Variants in VPS13B observed in about 807,000 individuals in gnomAD.
The protein encoded by VPS13B is intermembrane lipid transfer protein VPS13B.
Under a neutral mutation model 426.4 loss-of-function variants are expected in VPS13B, and 285 were observed. The ratio of observed to expected loss-of-function variants is 0.67; its 90% CI spans 0.61 to 0.74. The LOEUF is 0.74. Among genes scored for constraint, VPS13B ranks in the 30% least tolerant of loss-of-function variants. The pLI is 0.00. For missense variants in VPS13B, 4,537 were observed against 4,782.6 expected, an observed-to-expected ratio of 0.95 and a Z score of 1.51; for synonymous variants, 1,676 against 1,676.4, an observed-to-expected ratio of 1.00 and a Z score of 0.01.
chr8:99,044,080 C>CTTTTT (rs1334044601), intron 3 of VPS13B, among the ~76,000 whole-genome samples: 1 of 85,396 alleles, frequency 1.2e-5, no homozygotes, highest in Non-Finnish European at 2.5e-5. Flanking sequence ...TTTTTTCTTT[C>CTTTTT]TTTCTTTTTT....
In VPS13B at chr8:99,548,051, C is replaced by T. The variant is rs190785994; in HGVS notation, c.4746-8399C>T. Among the ~76,000 whole-genome samples, 609 of 152,134 alleles carry T rather than the reference C, an allele frequency of 4.0e-3. 5 individuals are homozygous for T. The highest frequency in any genetic ancestry group is 8.1e-3 in the South Asian group (39 of 4,826). ...ACGCTTTTTTATTATAAGATGTTTA[C>T]ATTGTATTTTTTAAGGCAGACGTTA... On this transcript the variant is annotated intron_variant, in intron 30 of 61. Transcript: ENST00000357162.
intron 40 of VPS13B, among the ~76,000 whole-genome samples, chr8:99,770,145 C>T (rs1218623452): frequency 2.0e-5 from 3 of 152,006 alleles, no homozygotes; most frequent in African/African-American, 7.3e-5. Context: ...GGTGACAGAG[C>T]GAGACCCTGT....
intron 39 of VPS13B, among the ~76,000 whole-genome samples, chr8:99,747,604 A>T (rs1417569065): frequency 2.6e-5 from 4 of 152,074 alleles, no homozygotes; most frequent in Non-Finnish European, 5.9e-5. Flanking sequence ...AAACCTTTAA[A>T]ATATTGTATA....
chr8:99,502,749 G>A (rs1260148952), intron 26 of VPS13B, 87 bp from the exon 27 acceptor site: 4 of 999,446 alleles, frequency 4.0e-6, no homozygotes, highest in South Asian at 2.5e-5. Context: ...TATCCAGCAT[G>A]CATTTGTCAA....
chr8:99,274,442 C>G, intron 18 of VPS13B, 110 bp downstream of exon 18: 2 of 1,533,304 alleles, frequency 1.3e-6, no homozygotes, highest in Non-Finnish European at 1.8e-6. Flanking sequence ...TGCTATGAAT[C>G]AGACGTTTTA....
chr8:99,218,334 C>T (rs1815499327), intron 17 of VPS13B, among the ~76,000 whole-genome samples: 1 of 152,176 alleles, frequency 6.6e-6, no homozygotes, highest in South Asian at 2.1e-4. Flanking sequence ...GATCCTTGGT[C>T]TGCATAATCT....
At chr8:99,171,466 AT>A (rs1171426690) in intron 16 of VPS13B, among the ~76,000 whole-genome samples, 1 of 151,978 alleles carries the variant, frequency 6.6e-6, no homozygotes, top group Non-Finnish European at 1.5e-5. Flanking sequence ...AAAATTCTTA[AT>A]TTCTTTAAAA....
chr8:99,365,524 T>TTTTA (rs1812824727), intron 19 of VPS13B, among the ~76,000 whole-genome samples: 2 of 143,238 alleles, frequency 1.4e-5, no homozygotes, highest in Admixed American at 6.9e-5. Flanking sequence ...TTCTTTTTTT[T>TTTTA]TTTTTTTTTT....
intron 26 of VPS13B, among the ~76,000 whole-genome samples, chr8:99,502,421 G>A (rs575487930): frequency 1.8e-4 from 27 of 152,256 alleles, no homozygotes; most frequent in African/African-American, 6.3e-4. Flanking sequence ...TAGTTGCAGT[G>A]CTAAAATGTT....
intron 19 of VPS13B, among the ~76,000 whole-genome samples, chr8:99,365,810 C>T (rs1812845041): frequency 1.3e-5 from 2 of 152,116 alleles, no homozygotes; most frequent in South Asian, 2.1e-4. Context: ...CCACCATGCC[C>T]AGCCCTCCAA....
chr8:99,071,508 C>T (rs1450280233), intron 3 of VPS13B, among the ~76,000 whole-genome samples: 7 of 152,252 alleles, frequency 4.6e-5, no homozygotes, highest in Middle Eastern at 3.4e-3. Context: ...CACTATGACT[C>T]GTTGGGTCAG....
At chr8:99,614,644 ATTTC>A (rs1828002367) in intron 33 of VPS13B, among the ~76,000 whole-genome samples, 1 of 152,170 alleles carries the variant, frequency 6.6e-6, no homozygotes, top group East Asian at 1.9e-4. Flanking sequence ...TAACCTGAGT[ATTTC>A]ATGGGATTTA....
At chr8:99,666,742 C>T (rs189896606) in intron 35 of VPS13B, among the ~76,000 whole-genome samples, 8 of 152,166 alleles carry the variant, frequency 5.3e-5, no homozygotes, top group South Asian at 2.1e-4. Flanking sequence ...CCTTTGAAAA[C>T]GGACACAAGA....
At chr8:99,489,972 G>A (rs1820513663) in intron 25 of VPS13B, among the ~76,000 whole-genome samples, 1 of 152,104 alleles carries the variant, frequency 6.6e-6, no homozygotes, top group Non-Finnish European at 1.5e-5. Context: ...GGGCATCCTT[G>A]TCTTGTGCCA....
At chr8:99,344,959 TATTTTAAAAA>T (rs753960174) in intron 19 of VPS13B, among the ~76,000 whole-genome samples, 13 of 152,186 alleles carry the variant, frequency 8.5e-5, no homozygotes, top group Non-Finnish European at 1.8e-4. Flanking sequence ...ATATTCTGCA[TATTTTAAAAA>T]ATATTTTCAA....
chr8:99,740,819 G>A (rs1318903859), intron 39 of VPS13B, among the ~76,000 whole-genome samples: 1 of 152,022 alleles, frequency 6.6e-6, no homozygotes, highest in Admixed American at 6.6e-5. Flanking sequence ...AGCTCCTGAA[G>A]GAAGCACTAA....
intron 30 of VPS13B, among the ~76,000 whole-genome samples, chr8:99,526,159 GT>G (rs1822632773): frequency 6.6e-6 from 1 of 152,102 alleles, no homozygotes; most frequent in African/African-American, 2.4e-5. Context: ...TTAAAAAGAG[GT>G]TAAATATACG....
intron 21 of VPS13B, among the ~76,000 whole-genome samples, chr8:99,407,463 A>G (rs1019766204): frequency 5.3e-5 from 8 of 151,886 alleles, no homozygotes; most frequent in East Asian, 1.9e-4. Flanking sequence ...CTATCCATCT[A>G]TTTCTCTCCT....
At chr8:99,627,738 G>A (rs1423412174) in intron 33 of VPS13B, among the ~76,000 whole-genome samples, 1 of 152,118 alleles carries the variant, frequency 6.6e-6, no homozygotes, top group African/African-American at 2.4e-5. Context: ...CCTCATAAAT[G>A]TATATAGTTA....
Sources: gnomAD v4.1 joint callset for allele counts (sites outside exome capture counted in the v4.1 genomes callset) on GRCh38, gnomAD v4.1.1 for gene constraint, MANE v1.5 for transcripts, NCBI Gene and HGNC (gene_info 2026-07-23, HGNC 2026-07-21) for gene names.